The following RAB3GAP2 variants were observed in gnomAD, a reference collection of about 807,000 sequenced individuals.
RAB3GAP2 encodes the protein rab3 GTPase-activating protein non-catalytic subunit.
A neutral mutation model predicts 185.3 loss-of-function variants in RAB3GAP2; 87 were observed. The ratio of observed to expected loss-of-function variants is 0.47; its 90% CI spans 0.39 to 0.56. The LOEUF is 0.56. Ranked by LOEUF, RAB3GAP2 falls within the 20% of genes least tolerant of loss-of-function variation. The probability of loss-of-function intolerance (pLI) is 0.00; values close to 1 mark genes in which losing one functional copy is unlikely to be tolerated. For missense variants in RAB3GAP2, 1,492 were observed against 1,638.2 expected, an observed-to-expected ratio of 0.91 and a Z score of 1.54; for synonymous variants, 554 against 576.1, an observed-to-expected ratio of 0.96 and a Z score of 0.55.
At position 220,151,143 on chromosome 1, in the gene RAB3GAP2, AAAAAAAGAC is replaced by A; in HGVS notation, c.*99_*107del. ...ACTTTTATTTATTTTACAAAAGGAA[AAAAAAAGAC>A]ATACTTTTCCCATAAAATTCCAGGT... is the stretch of plus-strand genomic sequence containing the variant. On this transcript the variant is annotated 3_prime_UTR_variant, in exon 35 of 35. Coordinates refer to ENST00000358951, the MANE Select transcript of RAB3GAP2 (RefSeq NM_012414.4). 1 of 1,221,910 alleles carries A rather than the reference AAAAAAAGAC, an allele frequency of 8.2e-7. No individual in the cohort carries two copies. Among genetic ancestry groups the A allele is most frequent in the Non-Finnish European group, 1.2e-6 (1 of 867,802 alleles). 75.7% of individuals were successfully genotyped at this position (1,221,910 alleles called of 1,614,324 possible).
intron 3 of RAB3GAP2, 78 bp downstream of exon 3, chr1:220,213,778 T>C: frequency 1.4e-6 from 2 of 1,405,750 alleles, no homozygotes; most frequent in Admixed American, 1.7e-5. Context: ...AAAAGCATTA[T>C]ATTCTTTTCA....
intron 1 of RAB3GAP2, chr1:220,266,652 T>G: frequency 2.8e-6 from 4 of 1,438,506 alleles, no homozygotes; most frequent in South Asian, 1.1e-5. Context: ...AGCATGTTCC[T>G]GAGAGGTTAT....
intron 1 of RAB3GAP2, among the ~76,000 whole-genome samples, chr1:220,261,208 T>C (rs1312069528): frequency 6.6e-6 from 1 of 152,196 alleles, no homozygotes; most frequent in African/African-American, 2.4e-5. Context: ...GGACCATTTC[T>C]GGTCTCTTTT....
In RAB3GAP2 at chr1:220,148,440, T is replaced by C. The variant is rs926251467; in HGVS notation, c.*2811A>G. 1 of 152,154 alleles carries C rather than the reference T, an allele frequency of 6.6e-6. No individual in the cohort carries two copies. The highest frequency in any genetic ancestry group is 1.5e-5 in the Non-Finnish European group (1 of 67,992). The allele number at this position is 152,154 out of a possible 1,614,324, so 9.4% of individuals were successfully genotyped here. A position where few individuals can be genotyped will look rare whatever the true frequency, so the allele number is the denominator to read the frequency against. Reference sequence around the variant, plus strand: ...TAAACAGTTCAGTATTGGATTAAAATCTTTTAAGGATGGCTAATTCTATTC... The same window carrying C: ...TAAACAGTTCAGTATTGGATTAAAACCTTTTAAGGATGGCTAATTCTATTC... On this transcript the variant is annotated 3_prime_UTR_variant, in exon 35 of 35. Coordinates refer to ENST00000358951, the MANE Select transcript of RAB3GAP2 (RefSeq NM_012414.4).
chr1:220,187,802 T>C (rs532683497), intron 17 of RAB3GAP2, among the ~76,000 whole-genome samples: 1 of 152,106 alleles, frequency 6.6e-6, no homozygotes, highest in East Asian at 1.9e-4. Flanking sequence ...TTATAATAAA[T>C]GGGTAAACGT....
At chr1:220,155,257 G>A (rs1164854372) in intron 31 of RAB3GAP2, among the ~76,000 whole-genome samples, 2 of 152,110 alleles carry the variant, frequency 1.3e-5, no homozygotes, top group Non-Finnish European at 2.9e-5. Flanking sequence ...CCACAATCTT[G>A]GGTTACCGTT....
intron 1 of RAB3GAP2, chr1:220,254,395 T>G: frequency 1.2e-6 from 2 of 1,613,026 alleles, no homozygotes; most frequent in Middle Eastern, 1.7e-4. Flanking sequence ...AATGTTGGCC[T>G]ATACACCTCT....
At position 220,184,206 on chromosome 1, in the gene RAB3GAP2, C is replaced by G. The variant is rs747187345; in HGVS notation, c.1871-43G>C. 7.8e-6 allele frequency: 12 copies of G among 1,534,316 alleles called. No homozygotes were observed. In the African/African-American group the frequency reaches 1.2e-4, roughly 16 times the overall value. ...AAGTATATATAAGAGATATATTTAA[C>G]AGACTCATAAACAGGCTTTGCTTTC... On this transcript the variant is annotated intron_variant, in intron 18 of 34. Transcript: ENST00000358951.
chr1:220,215,914 T>C (rs1372034637), intron 2 of RAB3GAP2, among the ~76,000 whole-genome samples: 2 of 152,168 alleles, frequency 1.3e-5, no homozygotes. Context: ...TAAAAACTTG[T>C]AATAAGCATG....
intron 28 of RAB3GAP2, 55 bp from the exon 29 acceptor site, chr1:220,159,476 T>C: frequency 7.8e-7 from 1 of 1,286,234 alleles, no homozygotes; most frequent in East Asian, 2.5e-5. Context: ...AAAAAGACAT[T>C]ACTATGGCAC....
At chr1:220,162,845 C>A (rs1199480554) in intron 27 of RAB3GAP2, among the ~76,000 whole-genome samples, 1 of 152,094 alleles carries the variant, frequency 6.6e-6, no homozygotes, top group Non-Finnish European at 1.5e-5. Context: ...ATCCCAATGT[C>A]TGCCAATTGA....
At chr1:220,167,768 GT>G (rs1478857848) in intron 24 of RAB3GAP2, 93 bp from the exon 25 acceptor site, 2 of 1,298,002 alleles carry the variant, frequency 1.5e-6, no homozygotes, top group African/African-American at 2.9e-5. Context: ...AGAGATCTAA[GT>G]GCCACATTCA....
chr1:220,196,113 T>G, intron 10 of RAB3GAP2, 137 bp downstream of exon 10: 1 of 948,446 alleles, frequency 1.1e-6, no homozygotes, highest in South Asian at 1.5e-5. Flanking sequence ...CTAGTTGAGA[T>G]TAATTTTAGT....
At chr1:220,151,833 G>T in intron 33 of RAB3GAP2, 69 bp from the exon 34 acceptor site, 7 of 1,483,376 alleles carry the variant, frequency 4.7e-6, no homozygotes, top group Non-Finnish European at 5.6e-6. Flanking sequence ...TAGGAAAGGG[G>T]TTGCCAGTGA....
rs1486320211 is a variant in RAB3GAP2 at position 220,211,143 on chromosome 1, G to A, written c.387-141C>T. On this transcript the variant is annotated intron_variant, in intron 4 of 34. Transcript: ENST00000358951. The stretch of plus-strand genomic sequence containing the variant: ...TATTTGATGCATAAGTAAAAATACA[G>A]TAAAACTCCACCACTGGTAAGGTCC... 1.0e-5 allele frequency: 8 copies of A among 787,892 alleles called. No homozygotes were observed. The Admixed American group carries it at 1.4e-4, about 14-fold the overall frequency. The allele number at this position is 787,892 out of a possible 1,614,324, so 48.8% of individuals were successfully genotyped here. A position where few individuals can be genotyped will look rare whatever the true frequency, so the allele number is the denominator to read the frequency against.
chr1:220,258,720 T>C (rs1660081796), intron 1 of RAB3GAP2, among the ~76,000 whole-genome samples: 1 of 152,148 alleles, frequency 6.6e-6, no homozygotes, highest in Non-Finnish European at 1.5e-5. Context: ...CAACATAGTA[T>C]TGGAAGTTCT....
chr1:220,156,141 G>A (rs570310024), intron 31 of RAB3GAP2, among the ~76,000 whole-genome samples: 1 of 152,120 alleles, frequency 6.6e-6, no homozygotes, highest in South Asian at 2.1e-4. Context: ...ACTAGTGACA[G>A]GGTTTCACCA....
chr1:220,262,327 A>C (rs960807966), intron 1 of RAB3GAP2, among the ~76,000 whole-genome samples: 2 of 151,918 alleles, frequency 1.3e-5, no homozygotes, highest in African/African-American at 2.4e-5. Flanking sequence ...ACAAACAAAC[A>C]AACAAAAAAA....
chr1:220,154,848 G>C (rs1657828330), intron 31 of RAB3GAP2, among the ~76,000 whole-genome samples: 1 of 150,626 alleles, frequency 6.6e-6, no homozygotes, highest in Non-Finnish European at 1.5e-5. Context: ...AGCCTCCCAA[G>C]TAGCTGGGAC....
Sources: gnomAD v4.1 joint callset for allele counts (sites outside exome capture counted in the v4.1 genomes callset) on GRCh38, gnomAD v4.1.1 for gene constraint, MANE v1.5 for transcripts, NCBI Gene and HGNC (gene_info 2026-07-23, HGNC 2026-07-21) for gene names.